GPD2: variants seen among roughly 807,000 people sequenced by gnomAD.
The protein encoded by GPD2 is glycerol-3-phosphate dehydrogenase, mitochondrial.
A neutral mutation model predicts 82.4 loss-of-function variants in GPD2; 54 were observed. The observed-to-expected ratio is 0.66, with a 90% confidence interval of 0.53 to 0.82. The LOEUF is 0.82. GPD2 is among the 40% of genes least tolerant of loss of function. GPD2 has a pLI of 0.00. For missense variants in GPD2, 748 were observed against 896.2 expected (o/e 0.83, Z 2.11); for synonymous variants, 288 against 306.1 (o/e 0.94, Z 0.62).
chr2:156,568,054 T>C (rs374296340), intron 9 of GPD2, among the ~76,000 whole-genome samples: 1 of 152,110 alleles, frequency 6.6e-6, no homozygotes, highest in East Asian at 1.9e-4. Context: ...AGGCAGAGTA[T>C]GGAAGTTGTC....
intron 1 of GPD2, among the ~76,000 whole-genome samples, chr2:156,451,413 CG>C (rs1462058140): frequency 1.5e-5 from 2 of 135,884 alleles, no homozygotes; most frequent in Non-Finnish European, 3.2e-5. Flanking sequence ...GCTGGCAGGG[CG>C]GGGGGCTGAC....
intron 3 of GPD2, among the ~76,000 whole-genome samples, chr2:156,498,205 A>T (rs1005935439): frequency 6.6e-6 from 1 of 152,182 alleles, no homozygotes; most frequent in Non-Finnish European, 1.5e-5. Flanking sequence ...TGCTGTCTGC[A>T]TGGCGATATG....
chr2:156,504,101 G>A (rs1684693981), intron 3 of GPD2, among the ~76,000 whole-genome samples: 1 of 134,030 alleles, frequency 7.5e-6, no homozygotes, highest in East Asian at 2.2e-4. Context: ...TAATATATCT[G>A]TTTTCTAATA....
rs531452676 is a variant in GPD2, at chr2:156,484,203, C to T, written c.102+7996C>T. ...AGGCTGGAGTGCAGTGGCGGGATCT[C>T]GGCTCACTGCAACCTCTGCCTCCCG... On this transcript the variant is annotated intron_variant, in intron 2 of 16. Transcript: ENST00000438166. 1.6e-3 allele frequency among the ~76,000 whole-genome samples: 250 copies of T among 152,014 alleles called. 5 individuals carry two copies. Among genetic ancestry groups the T allele is most frequent in the African/African-American group, 5.3e-3 (219 of 41,494 alleles).
chr2:156,423,384 C>T, the GPD2 span, among the ~76,000 whole-genome samples: 1 of 152,058 alleles, frequency 6.6e-6, no homozygotes, highest in African/African-American at 2.4e-5. Context: ...TATATATTTT[C>T]ATGTTTCCAA....
In GPD2 at chr2:156,584,672, A is replaced by G. The variant is rs576720189; in HGVS notation, c.*1754A>G. On this transcript the variant is annotated 3_prime_UTR_variant, in exon 17 of 17. Transcript: ENST00000438166. ...GTATCACTGTGAACTTTTTTCTTTC[A>G]AAGTGTGAATTTTTACACTGGCTTT... The G allele has an allele frequency of 1.1e-4, 17 of 152,644 alleles. No individual in the cohort carries two copies. The highest frequency in any genetic ancestry group is 3.1e-4 in the African/African-American group (13 of 41,570). The allele number at this position is 152,644 out of a possible 1,614,324, so 9.5% of individuals were successfully genotyped here.
chr2:156,426,186 G>C, the GPD2 span, among the ~76,000 whole-genome samples: 1 of 152,196 alleles, frequency 6.6e-6, no homozygotes. Flanking sequence ...GCCTCCCAAA[G>C]TGCTGGGATT....
chr2:156,418,295 CAGG>C, the GPD2 span, among the ~76,000 whole-genome samples: 1 of 151,772 alleles, frequency 6.6e-6, no homozygotes, highest in African/African-American at 2.4e-5. Flanking sequence ...TTGGCTGAGA[CAGG>C]AGAATTGCTT....
chr2:156,512,443 C>A (rs1432468848), intron 5 of GPD2, 126 bp downstream of exon 5: 1 of 708,656 alleles, frequency 1.4e-6, no homozygotes, highest in Non-Finnish European at 2.6e-6. Flanking sequence ...ATCTTTAATC[C>A]TTTTGAAGTA....
intron 1 of GPD2, among the ~76,000 whole-genome samples, chr2:156,439,619 G>C (rs1197553720): frequency 6.7e-6 from 1 of 150,140 alleles, no homozygotes; most frequent in African/African-American, 2.4e-5. Flanking sequence ...GGCCTAGGCA[G>C]GCGGATCACC....
At chr2:156,530,113 C>A (rs1218817307) in intron 6 of GPD2, among the ~76,000 whole-genome samples, 16 of 143,960 alleles carry the variant, frequency 1.1e-4, no homozygotes, top group Admixed American at 1.1e-3. Context: ...CTTTTATTTC[C>A]TTGAGCAGTG....
chr2:156,555,630 C>T (rs1361837469), intron 8 of GPD2, among the ~76,000 whole-genome samples: 1 of 151,970 alleles, frequency 6.6e-6, no homozygotes, highest in Non-Finnish European at 1.5e-5. Context: ...CATATCAATC[C>T]AGGATCAAAA....
intron 13 of GPD2, among the ~76,000 whole-genome samples, chr2:156,573,184 C>T (rs1047282068): frequency 6.6e-6 from 1 of 152,078 alleles, no homozygotes. Flanking sequence ...CTGATCATGC[C>T]TCTGACAGGG....
At chr2:156,447,186 C>T (rs930848766) in intron 1 of GPD2, among the ~76,000 whole-genome samples, 2 of 152,150 alleles carry the variant, frequency 1.3e-5, no homozygotes, top group Non-Finnish European at 2.9e-5. Flanking sequence ...GCACCTGTGC[C>T]CCATTCTGCC....
At chr2:156,567,736 A>T (rs1442327203) in intron 9 of GPD2, among the ~76,000 whole-genome samples, 3 of 152,132 alleles carry the variant, frequency 2.0e-5, no homozygotes, top group Non-Finnish European at 2.9e-5. Flanking sequence ...GCAGATTCCG[A>T]AAATTCTGCC....
the GPD2 span, among the ~76,000 whole-genome samples, chr2:156,407,512 C>T: frequency 3.9e-5 from 6 of 152,036 alleles, no homozygotes; most frequent in African/African-American, 1.4e-4. Context: ...GGAATTAAAA[C>T]ATTATTTTTT....
At chr2:156,468,931 C>T (rs1397098477) in intron 1 of GPD2, among the ~76,000 whole-genome samples, 1 of 152,128 alleles carries the variant, frequency 6.6e-6, no homozygotes, top group Admixed American at 6.5e-5. Context: ...TTCATTCTAA[C>T]TATGTTTTTA....
rs143569919 is a variant in GPD2, at chr2:156,471,662, T to C, written c.-8-4436T>C. ...TCCCCTTCAAGACCCTTCTCCAAAA[T>C]CCTGTCTTCACTGAAGCCTTCTTTA... On this transcript the variant is annotated intron_variant, in intron 1 of 16. Coordinates refer to ENST00000438166, the MANE Select transcript of GPD2 (RefSeq NM_000408.5). Among the ~76,000 whole-genome samples, 1,219 of 152,306 alleles carry C rather than the reference T, an allele frequency of 8.0e-3. 4 individuals carry two copies. The highest frequency in any genetic ancestry group is 0.012 in the Non-Finnish European group (786 of 68,000).
chr2:156,445,332 C>G (rs184581054), intron 1 of GPD2, among the ~76,000 whole-genome samples: 3 of 152,282 alleles, frequency 2.0e-5, no homozygotes, highest in African/African-American at 7.2e-5. Context: ...ACAATAGAAT[C>G]GAGAGATAAT....
Sources: gnomAD v4.1 joint callset for allele counts (sites outside exome capture counted in the v4.1 genomes callset) on GRCh38, gnomAD v4.1.1 for gene constraint, MANE v1.5 for transcripts, NCBI Gene and HGNC (gene_info 2026-07-23, HGNC 2026-07-21) for gene names.